Variants in SPOCK1 observed in about 807,000 individuals in gnomAD.
SPOCK1 encodes testican-1.
SPOCK1 carries 23 observed loss-of-function variants against 55.3 expected under a neutral mutation model. The ratio of observed to expected loss-of-function variants is 0.42; its 90% CI spans 0.30 to 0.59. The LOEUF (loss-of-function observed/expected upper bound fraction) is 0.59. Ranked by LOEUF, SPOCK1 falls within the 20% of genes least tolerant of loss-of-function variation. SPOCK1 has a pLI of 0.22. For missense variants in SPOCK1, 499 were observed against 552.5 expected, an observed-to-expected ratio of 0.90 and a Z score of 0.97; for synonymous variants, 226 against 221.0, an observed-to-expected ratio of 1.02 and a Z score of -0.20.
intron 6 of SPOCK1, among the ~76,000 whole-genome samples, chr5:137,066,448 G>A (rs1219410581): frequency 6.6e-6 from 1 of 152,078 alleles, no homozygotes; most frequent in African/African-American, 2.4e-5. Flanking sequence ...TGGCAACATG[G>A]CAATGTCTAG....
chr5:137,295,198 G>GT (rs1757455331), intron 2 of SPOCK1, among the ~76,000 whole-genome samples: 1 of 152,198 alleles, frequency 6.6e-6, no homozygotes, highest in Admixed American at 6.5e-5. Flanking sequence ...CAATACAGCT[G>GT]TTTTTTGTTC....
intron 2 of SPOCK1, among the ~76,000 whole-genome samples, chr5:137,295,393 C>T (rs1757459105): frequency 6.6e-6 from 1 of 152,218 alleles, no homozygotes; most frequent in Non-Finnish European, 1.5e-5. Context: ...GCTCTACCAC[C>T]AGCAGCACAG....
At chr5:137,242,961 G>T (rs764383877) in intron 3 of SPOCK1, among the ~76,000 whole-genome samples, 52 of 152,070 alleles carry the variant, frequency 3.4e-4, no homozygotes, top group Non-Finnish European at 4.9e-4. Flanking sequence ...AATAACAGTG[G>T]TGACAGGGTG....
At chr5:137,498,315 C>A in intron 2 of SPOCK1, 58 bp downstream of exon 2, 2 of 1,469,478 alleles carry the variant, frequency 1.4e-6, no homozygotes, top group Non-Finnish European at 1.8e-6. Context: ...AACCCCGCTT[C>A]AGGGGTCCCC....
intron 2 of SPOCK1, among the ~76,000 whole-genome samples, chr5:137,369,678 G>C (rs1751155496): frequency 6.6e-6 from 1 of 152,208 alleles, no homozygotes; most frequent in South Asian, 2.1e-4. Flanking sequence ...CACAGTTCTA[G>C]AGGCTGCAAG....
intron 2 of SPOCK1, among the ~76,000 whole-genome samples, chr5:137,483,423 G>C (rs768693536): frequency 6.6e-6 from 1 of 152,140 alleles, no homozygotes; most frequent in African/African-American, 2.4e-5. Context: ...CAAACAAGAG[G>C]AGCCATATGC....
intron 4 of SPOCK1, among the ~76,000 whole-genome samples, chr5:137,126,351 A>G (rs1325137893): frequency 6.6e-6 from 1 of 152,000 alleles, no homozygotes; most frequent in East Asian, 1.9e-4. Flanking sequence ...AGCCAAATAT[A>G]TATCTTTTCT....
intron 2 of SPOCK1, among the ~76,000 whole-genome samples, chr5:137,275,484 T>G (rs1047178780): frequency 6.6e-6 from 1 of 152,240 alleles, no homozygotes; most frequent in African/African-American, 2.4e-5. Context: ...CTCTGATGCC[T>G]GGCCCAGGGC....
chr5:137,288,741 C>T (rs1378891634), intron 2 of SPOCK1, among the ~76,000 whole-genome samples: 1 of 152,210 alleles, frequency 6.6e-6, no homozygotes, highest in Non-Finnish European at 1.5e-5. Flanking sequence ...TATCCAGAAC[C>T]TCCAGGCTCT....
At chr5:137,491,258 CT>C (rs1434694782) in intron 2 of SPOCK1, among the ~76,000 whole-genome samples, 1 of 152,184 alleles carries the variant, frequency 6.6e-6, no homozygotes, top group East Asian at 1.9e-4. Context: ...CCTCAAAGAG[CT>C]TTTCACGGAA....
chr5:137,388,562 C>T (rs866794816), intron 2 of SPOCK1, among the ~76,000 whole-genome samples: 4 of 152,164 alleles, frequency 2.6e-5, no homozygotes, highest in African/African-American at 4.8e-5. Flanking sequence ...ACTTCAACCT[C>T]TCATTGAAGT....
At chr5:137,331,969 T>C (rs1193154109) in intron 2 of SPOCK1, among the ~76,000 whole-genome samples, 2 of 152,120 alleles carry the variant, frequency 1.3e-5, no homozygotes, top group Non-Finnish European at 2.9e-5. Context: ...TATTTACAGA[T>C]TCAAGTTCTA....
At chr5:137,204,399 T>C (rs917272287) in intron 3 of SPOCK1, among the ~76,000 whole-genome samples, 1 of 152,138 alleles carries the variant, frequency 6.6e-6, no homozygotes. Context: ...TCAGCTCTGA[T>C]GGAAAACTGA....
At chr5:137,435,576 T>G (rs1181022410) in intron 2 of SPOCK1, among the ~76,000 whole-genome samples, 1 of 152,224 alleles carries the variant, frequency 6.6e-6, no homozygotes, top group Non-Finnish European at 1.5e-5. Flanking sequence ...TTTGAAAACA[T>G]GATTTTCTTA....
At chr5:137,078,184 CAT>C (rs1331346068) in intron 5 of SPOCK1, among the ~76,000 whole-genome samples, 2 of 152,180 alleles carry the variant, frequency 1.3e-5, no homozygotes. Flanking sequence ...ACCTCGTTCA[CAT>C]GTCTCTCGCC....
At chr5:137,470,312 A>G (rs1332837372) in intron 2 of SPOCK1, among the ~76,000 whole-genome samples, 1 of 152,244 alleles carries the variant, frequency 6.6e-6, no homozygotes, top group Non-Finnish European at 1.5e-5. Context: ...AAAAATTTAA[A>G]GAGAAATGCA....
intron 3 of SPOCK1, among the ~76,000 whole-genome samples, chr5:137,196,019 C>T (rs1755291652): frequency 6.6e-6 from 1 of 152,150 alleles, no homozygotes; most frequent in South Asian, 2.1e-4. Flanking sequence ...CCAAGAGCAC[C>T]AGTCAATCAA....
At chr5:137,377,565 C>A (rs1561519571) in intron 2 of SPOCK1, among the ~76,000 whole-genome samples, 1 of 152,182 alleles carries the variant, frequency 6.6e-6, no homozygotes, top group African/African-American at 2.4e-5. Flanking sequence ...TATCAAGGAA[C>A]AATTTGTTCC....
At chr5:137,439,671 T>C (rs1337937302) in intron 2 of SPOCK1, among the ~76,000 whole-genome samples, 2 of 152,128 alleles carry the variant, frequency 1.3e-5, no homozygotes, top group Admixed American at 1.3e-4. Context: ...GTACCTCATT[T>C]AAAGTAGGAG....
Sources: gnomAD v4.1 joint callset for allele counts (sites outside exome capture counted in the v4.1 genomes callset) on GRCh38, gnomAD v4.1.1 for gene constraint, MANE v1.5 for transcripts, NCBI Gene and HGNC (gene_info 2026-07-23, HGNC 2026-07-21) for gene names.